Variants in SGSH observed in about 807,000 individuals in gnomAD.
SGSH encodes N-sulfoglucosamine sulfohydrolase.
SGSH carries 48 observed loss-of-function variants against 51.0 expected under a neutral mutation model. The observed-to-expected ratio is 0.94, with a 90% CI of 0.75 to 1.20. SGSH has a LOEUF of 1.20. Ranked by LOEUF, SGSH falls within the 50% of genes most tolerant of loss-of-function variation. SGSH has a pLI of 0.00. For synonymous variants in SGSH, 321 were observed against 313.4 expected, an observed-to-expected ratio of 1.02 and a Z score of -0.26; for missense variants, 662 against 717.8, an observed-to-expected ratio of 0.92 and a Z score of 0.89.
chr17:80,214,665 G>C lies in SGSH; in HGVS notation c.456C>G (p.Ile152Met), dbSNP rs781433391. The C allele has an allele frequency of 6.2e-7, 1 of 1,613,502 alleles. No homozygotes were observed. ...TCCGGACGAGCAGCTTAATTCTAGTGATGTTCCGCCCCACCTGGAGGACGG... is the reference window on the plus strand; with the variant it reads ...TCCGGACGAGCAGCTTAATTCTAGTCATGTTCCGCCCCACCTGGAGGACGG... The part of the protein sequence containing the change: ...NGSVLQVGRN[I>M]TRIKLLVRKF... Residue 152 changes from isoleucine to methionine, a missense_variant, in exon 4 of 8, where the codon ATC becomes ATG. Transcript: ENST00000326317.
At chr17:80,202,194 C>T (rs1403438866), downstream of SGSH, 2 of 1,613,822 alleles carry the variant, frequency 1.2e-6, no homozygotes, top group East Asian at 2.2e-5. Context: ...TAAGAGGCTA[C>T]TCCAGGACCT....
In SGSH at chr17:80,212,286, G is replaced by A; in HGVS notation, c.746-12C>T. The A allele has an allele frequency of 6.3e-7, 1 of 1,595,938 alleles. No homozygotes were observed. Among genetic ancestry groups the A allele is most frequent in the South Asian group, 1.1e-5 (1 of 88,960 alleles). ...CACCAGTCCAACTCCTGTGGTGAGG[G>A]GCCGAGAAGCAGAGCTCAGCCGCAG... On this transcript the variant is annotated splice_polypyrimidine_tract_variant and intron_variant, in intron 6 of 7. Coordinates refer to ENST00000326317, the MANE Select transcript of SGSH (RefSeq NM_000199.5). This position sits in a 1 kb window ranked among gnomAD's most constrained non-coding sequence, Gnocchi z 5.9.
chr17:80,205,733 T>C, downstream of SGSH: 2 of 1,390,924 alleles, frequency 1.4e-6, no homozygotes, highest in Non-Finnish European at 1.9e-6. Flanking sequence ...GAGATAAAGG[T>C]ACAGGGACCG....
At chr17:80,206,723 C>T (rs549712569), downstream of SGSH, 26 of 221,638 alleles carry the variant, frequency 1.2e-4, no homozygotes, top group South Asian at 2.3e-3. Flanking sequence ...GCCGAGATCG[C>T]GCCACTGCAC....
At chr17:80,201,977 C>A (rs1418508127), downstream of SGSH, 10 of 1,426,288 alleles carry the variant, frequency 7.0e-6, no homozygotes, top group Non-Finnish European at 9.5e-6. This position sits in a 1 kb window ranked among gnomAD's most constrained non-coding sequence, Gnocchi z 5.0. Flanking sequence ...CCCCCAGAGC[C>A]AAGAGAGGAT....
rs573601155 is a variant in SGSH, at chr17:80,214,549, G to A, written c.506+66C>T. 2.1e-5 allele frequency: 33 copies of A among 1,537,256 alleles called. No homozygotes were observed. In the Admixed American group the frequency reaches 3.3e-4, roughly 15 times the overall value. On this transcript the variant is annotated intron_variant, in intron 4 of 7. Coordinates refer to ENST00000326317, the MANE Select transcript of SGSH (RefSeq NM_000199.5). Reference sequence around the variant, plus strand: ...CACGTGGGGGCCCATGCATCCCGCCGGAAGACTCCGGGCTGTGCTCTGGTA... The same window carrying A: ...CACGTGGGGGCCCATGCATCCCGCCAGAAGACTCCGGGCTGTGCTCTGGTA...
At chr17:80,204,469 A>C (rs1391370913), downstream of SGSH, 1 of 894,234 alleles carries the variant, frequency 1.1e-6, no homozygotes, top group Non-Finnish European at 1.7e-6. Flanking sequence ...GGTCTTCAAG[A>C]ATCATGGGGC....
chr17:80,215,169 C>G, intron 2 of SGSH, 31 bp from the exon 3 acceptor site: 1 of 1,539,520 alleles, frequency 6.5e-7, no homozygotes, highest in Non-Finnish European at 8.9e-7. Flanking sequence ...GGTCCGGGGC[C>G]CCCGGACAGC....
chr17:80,204,098 C>A, downstream of SGSH: 1 of 940,524 alleles, frequency 1.1e-6, no homozygotes, highest in Non-Finnish European at 1.6e-6. Context: ...ACACCTCAGG[C>A]TGTTCTCAGA....
chr17:80,208,590 A>T, downstream of SGSH: 1 of 444,240 alleles, frequency 2.3e-6, no homozygotes, highest in Non-Finnish European at 4.0e-6. Context: ...CATGGTCTGA[A>T]CTGGAAACCC....
At chr17:80,214,055 G>T in intron 5 of SGSH, 117 bp downstream of exon 5, 5 of 1,417,872 alleles carry the variant, frequency 3.5e-6, no homozygotes, top group Non-Finnish European at 4.9e-6. Context: ...ACCTGAATCC[G>T]ATTTGGTCAG....
At chr17:80,207,194 G>T, downstream of SGSH, 1 of 688,182 alleles carries the variant, frequency 1.5e-6, no homozygotes, top group East Asian at 2.9e-5. Flanking sequence ...AGGAAGCTGA[G>T]GCGCTGACAG....
Position 80,209,360 on chromosome 17 carries a change from C to T in SGSH, c.*1092G>A. 3.0e-6 allele frequency: 3 copies of T among 985,416 alleles called. No individual in the cohort carries two copies. The highest frequency in any genetic ancestry group is 3.6e-6 in the Non-Finnish European group (3 of 829,938). The allele number at this position is 985,416 out of a possible 1,614,324, so 61.0% of individuals were successfully genotyped here. On this transcript the variant is annotated 3_prime_UTR_variant, in exon 8 of 8. Transcript: ENST00000326317. ...GGCCTGTGGCCTCCTCCAGCCCACCCCAGTATGGAGTGATAGGGAGGGAAG... is the reference window on the plus strand; with the variant it reads ...GGCCTGTGGCCTCCTCCAGCCCACCTCAGTATGGAGTGATAGGGAGGGAAG...
In SGSH at chr17:80,210,134, G is replaced by T; in HGVS notation, c.*318C>A. ...CAAGACTCCCTTGTCATGGGCTGGGGGCGCTGCCCTGTCCGCAGACCACGT... is the reference window on the plus strand; with the variant it reads ...CAAGACTCCCTTGTCATGGGCTGGGTGCGCTGCCCTGTCCGCAGACCACGT... On this transcript the variant is annotated 3_prime_UTR_variant, in exon 8 of 8. Coordinates refer to ENST00000326317, the MANE Select transcript of SGSH (RefSeq NM_000199.5). 1 of 1,248,754 alleles carries T rather than the reference G, an allele frequency of 8.0e-7. No homozygotes were observed. Among genetic ancestry groups the T allele is most frequent in the Non-Finnish European group, 1.0e-6 (1 of 988,712 alleles). 77.4% of individuals were successfully genotyped at this position (1,248,754 alleles called of 1,614,324 possible). A position where few individuals can be genotyped will look rare whatever the true frequency, so the allele number is the denominator to read the frequency against.
rs2041802681 is a variant in SGSH at position 80,214,330 on chromosome 17, T to C, written c.507-2A>G. ...AAGGCGACGTAGAGGAAGAAAGGCC[T>C]GCACGGGAGGAGGCTCATTGCCAAG... is the stretch of plus-strand genomic sequence containing the variant. On this transcript the variant is annotated splice_acceptor_variant, in intron 4 of 7. Coordinates refer to ENST00000326317, the MANE Select transcript of SGSH (RefSeq NM_000199.5). LOFTEE classifies it high-confidence loss of function. The C allele has an allele frequency of 6.2e-7, 1 of 1,612,154 alleles. No individual in the cohort carries two copies. Among genetic ancestry groups the C allele is most frequent in the Non-Finnish European group, 8.5e-7 (1 of 1,179,626 alleles).
downstream of SGSH, chr17:80,203,346 C>T (rs1007254782): frequency 6.4e-6 from 1 of 155,940 alleles, no homozygotes; most frequent in Non-Finnish European, 1.4e-5. The surrounding 1 kb of genome is among the most constrained non-coding windows in gnomAD (Gnocchi z 4.6). Context: ...GTGCACGGAA[C>T]GCACAGTGCT....
downstream of SGSH, chr17:80,204,938 T>G (rs2041200059): frequency 9.7e-7 from 1 of 1,031,382 alleles, no homozygotes. Context: ...CTGGGGCTGC[T>G]GCAGTGAGCA....
rs1020912838 is a variant in SGSH, at chr17:80,217,180, C to A, written c.101G>T (p.Gly34Val). Reference sequence around the variant, plus strand: ...GTTGTTGTACGCGCCACTCTCAAAGCCTCCGTCATCCGCTGCGTGAGGTGG... The same window carrying A: ...GTTGTTGTACGCGCCACTCTCAAAGACTCCGTCATCCGCTGCGTGAGGTGG... ...NALLLLADDG[G>V]FESGAYNNSA... Residue 34 changes from glycine (G) to valine (V), a missense_variant, in exon 2 of 8, where the codon GGC (glycine) becomes GTC (valine). Physicochemically the swap from Gly to Val is moderately radical, Grantham distance 109. Transcript: ENST00000326317. 1.2e-6 allele frequency: 2 copies of A among 1,600,074 alleles called. No homozygotes were observed. The highest frequency in any genetic ancestry group is 1.1e-5 in the South Asian group (1 of 89,216).
At position 80,209,636 on chromosome 17, in the gene SGSH, A is replaced by C. The variant is rs2041548678; in HGVS notation, c.*816T>G. On this transcript the variant is annotated 3_prime_UTR_variant, in exon 8 of 8. Transcript: ENST00000326317. Reference sequence around the variant, plus strand: ...ATGGGCATTGCCACCCAGCAACGCCAGTGTCACCGAAGAATTAACCCAAGC... The same window carrying C: ...ATGGGCATTGCCACCCAGCAACGCCCGTGTCACCGAAGAATTAACCCAAGC... 2 of 939,836 alleles carry C rather than the reference A, an allele frequency of 2.1e-6. No individual in the cohort carries two copies. Among genetic ancestry groups the C allele is most frequent in the Non-Finnish European group, 2.5e-6 (2 of 789,868 alleles). 58.2% of individuals were successfully genotyped at this position (939,836 alleles called of 1,614,324 possible).
Sources: allele counts gnomAD v4.1 joint callset, GRCh38; gene constraint gnomAD v4.1.1; non-coding constraint Gnocchi (gnomAD v3.1); transcripts MANE v1.5; gene names NCBI Gene and HGNC (gene_info 2026-07-23, HGNC 2026-07-21).